SFTPD: variants seen among roughly 807,000 people sequenced by gnomAD.
SFTPD encodes pulmonary surfactant-associated protein D.
Under a neutral mutation model 34.6 loss-of-function variants are expected in SFTPD, and 18 were observed. The observed-to-expected ratio is 0.52, with a 90% CI of 0.36 to 0.77. The LOEUF (loss-of-function observed/expected upper bound fraction) is 0.77, where lower values mean the gene tolerates loss of function less well. SFTPD is among the 30% of genes least tolerant of loss of function. SFTPD has a pLI of 0.00. For synonymous variants in SFTPD, 155 were observed against 180.9 expected (o/e 0.86, Z 1.15); for missense variants, 433 against 468.9 (o/e 0.92, Z 0.71).
chr10:79,949,778 T>C (rs1842698455), upstream of SFTPD, among the ~76,000 whole-genome samples: 1 of 152,206 alleles, frequency 6.6e-6, no homozygotes, highest in African/African-American at 2.4e-5. Context: ...AGCTGGTGTT[T>C]GTCTTGTGCA....
intron 1 of SFTPD, among the ~76,000 whole-genome samples, chr10:79,958,680 C>T (rs1842754203): frequency 6.6e-6 from 1 of 152,100 alleles, no homozygotes; most frequent in African/African-American, 2.4e-5. Context: ...CTTAGACCCC[C>T]ACACAATAAT....
At chr10:79,980,520 T>G (rs1357208850) in intron 1 of SFTPD, among the ~76,000 whole-genome samples, 1 of 152,224 alleles carries the variant, frequency 6.6e-6, no homozygotes, top group Non-Finnish European at 1.5e-5. Context: ...TGGGACCCAG[T>G]ACTGTGCTGG....
chr10:79,946,182 C>G (rs1424425789), intron 2 of SFTPD, among the ~76,000 whole-genome samples: 3 of 152,086 alleles, frequency 2.0e-5, no homozygotes, highest in Non-Finnish European at 4.4e-5. Flanking sequence ...TCTAGAAGGC[C>G]CCAGATATCA....
chr10:79,955,236 A>G (rs1012213357), intron 1 of SFTPD, among the ~76,000 whole-genome samples: 1 of 152,164 alleles, frequency 6.6e-6, no homozygotes, highest in South Asian at 2.1e-4. Flanking sequence ...CAAATGTTTT[A>G]TAAAGGCATT....
Position 79,941,383 on chromosome 10 carries a change from G to A in SFTPD, c.667+15C>T. On this transcript the variant is annotated intron_variant, in intron 6 of 7. Coordinates refer to ENST00000372292, the MANE Select transcript of SFTPD (RefSeq NM_003019.5). ...CCCCAGCGGGGCTTCCCTGGGCCAG[G>A]AGCTGCTACCTTACCTGGAAGCCCA... 3.1e-6 allele frequency: 5 copies of A among 1,610,362 alleles called. No individual in the cohort carries two copies. Among genetic ancestry groups the A allele is most frequent in the Non-Finnish European group, 4.2e-6 (5 of 1,176,674 alleles).
chr10:79,940,684 G>C (rs765068750), intron 7 of SFTPD, 21 bp downstream of exon 7: 1 of 1,526,412 alleles, frequency 6.6e-7, no homozygotes, highest in African/African-American at 1.4e-5. Context: ...GCTGGGTCCA[G>C]GTTCAGATCC....
chr10:79,971,869 A>G (rs1047915827), intron 1 of SFTPD: 1 of 152,082 alleles, frequency 6.6e-6, no homozygotes. Context: ...ATGTACCTGG[A>G]TGTCTATATC....
At position 79,942,405 on chromosome 10, in the gene SFTPD, C is replaced by T. The variant is rs749938914; in HGVS notation, c.416G>A (p.Gly139Glu). Residue 139 changes from glycine (G) to glutamate (E), a missense_variant, in exon 4 of 8, where the codon GGA becomes GAA. Transcript: ENST00000372292. ...CCACCTACCTTTGGGCCCAGCTTCT[C>T]CTTTTGGGCCTGGCTTGCCCTGAGG... ...IGPQGKPGPKGEAGPKGEVGA... is the reference protein window; with the variant it reads ...IGPQGKPGPKEEAGPKGEVGA... 1.9e-6 allele frequency: 3 copies of T among 1,611,348 alleles called. No individual in the cohort carries two copies. Among genetic ancestry groups the T allele is most frequent in the Non-Finnish European group, 2.5e-6 (3 of 1,177,712 alleles).
intron 1 of SFTPD, 37 bp from the exon 2 acceptor site, chr10:79,946,699 T>A (rs1431804501): frequency 1.9e-6 from 3 of 1,577,662 alleles, no homozygotes; most frequent in Non-Finnish European, 2.6e-6. Context: ...GACATGCTTA[T>A]GCTTCATGGA....
At chr10:79,968,641 T>A (rs1002428837) in intron 1 of SFTPD, 1 of 152,212 alleles carries the variant, frequency 6.6e-6, no homozygotes, top group Non-Finnish European at 1.5e-5. Context: ...TGCATGTGTC[T>A]TTTCAGTGGA....
chr10:79,961,000 C>A (rs1842769128), intron 1 of SFTPD, among the ~76,000 whole-genome samples: 1 of 152,170 alleles, frequency 6.6e-6, no homozygotes, highest in African/African-American at 2.4e-5. Context: ...CGCATATCTG[C>A]AACCATCTGA....
chr10:79,947,844 A>AC (rs1842680886), intron 1 of SFTPD, among the ~76,000 whole-genome samples: 2 of 152,210 alleles, frequency 1.3e-5, no homozygotes, highest in Non-Finnish European at 2.9e-5. Flanking sequence ...TAAGAGCAGG[A>AC]CCTGGGACAT....
At chr10:79,979,892 AGT>A (rs1842881515) in intron 1 of SFTPD, among the ~76,000 whole-genome samples, 1 of 152,184 alleles carries the variant, frequency 6.6e-6, no homozygotes, top group Non-Finnish European at 1.5e-5. Context: ...GAGAAAAAAG[AGT>A]AAAGGGGACT....
At chr10:79,941,880 G>A in intron 5 of SFTPD, 74 bp downstream of exon 5, 1 of 926,754 alleles carries the variant, frequency 1.1e-6, no homozygotes, top group South Asian at 1.4e-5. Context: ...GGTGGAGGGG[G>A]TGTAGGCATT....
rs1317683987 is a variant in SFTPD, at chr10:79,941,467, G to T, written c.598C>A (p.Pro200Thr). ...GPQGSPGARG[P>T]PGLKGDKGIP... is the part of the protein sequence containing the mutation. ...CCTTTGTCCCCCTTCAATCCCGGGG[G>T]TCCCCTGGCACCTGGACTTCCCTGG... The change falls in exon 6 of 8, where the codon CCC becomes ACC. Residue 200 changes from proline (P) to threonine (T), a missense_variant. Coordinates refer to ENST00000372292, the MANE Select transcript of SFTPD (RefSeq NM_003019.5). 1.2e-6 allele frequency: 2 copies of T among 1,612,928 alleles called. No individual in the cohort carries two copies. Among genetic ancestry groups the T allele is most frequent in the South Asian group, 1.1e-5 (1 of 90,986 alleles).
intron 1 of SFTPD, among the ~76,000 whole-genome samples, chr10:79,947,731 G>A (rs541150043): frequency 2.2e-4 from 34 of 152,280 alleles, no homozygotes; most frequent in African/African-American, 7.2e-4. Context: ...GACATGCCAG[G>A]TAGGCTCAGT....
intron 1 of SFTPD, among the ~76,000 whole-genome samples, chr10:79,980,878 C>G (rs1367048881): frequency 6.6e-6 from 1 of 152,150 alleles, no homozygotes; most frequent in African/African-American, 2.4e-5. Flanking sequence ...CAAACCAGCC[C>G]ACACTGAAAA....
chr10:79,951,540 T>C (rs1842710224), upstream of SFTPD, among the ~76,000 whole-genome samples: 2 of 152,228 alleles, frequency 1.3e-5, no homozygotes, highest in African/African-American at 2.4e-5. Flanking sequence ...GTAGTAGCAA[T>C]GTATTGGGCA....
intron 1 of SFTPD, among the ~76,000 whole-genome samples, chr10:79,977,569 A>G (rs1842870027): frequency 1.3e-5 from 2 of 152,246 alleles, no homozygotes; most frequent in Admixed American, 6.5e-5. Context: ...CTCATTTACA[A>G]ATCAATCTGG....
Sources: gnomAD v4.1 joint callset for allele counts (sites outside exome capture counted in the v4.1 genomes callset) on GRCh38, gnomAD v4.1.1 for gene constraint, MANE v1.5 for transcripts, NCBI Gene and HGNC (gene_info 2026-07-23, HGNC 2026-07-21) for gene names.